The following SHANK2 variants were observed in gnomAD, a reference collection of about 807,000 sequenced individuals.
SHANK2 encodes SH3 and multiple ankyrin repeat domains 2.
Under a neutral mutation model 133.7 loss-of-function variants are expected in SHANK2, and 43 were observed. The observed-to-expected ratio is 0.32, with a 90% confidence interval of 0.25 to 0.41. SHANK2 has a LOEUF of 0.41. Ranked by LOEUF, SHANK2 falls within the 10% of genes least tolerant of loss-of-function variation. SHANK2 has a pLI of 1.00. For missense variants in SHANK2, 1,994 were observed against 2,235.8 expected (o/e 0.89, Z 2.18); for synonymous variants, 1,017 against 952.8 (o/e 1.07, Z -1.24).
At chr11:70,851,910 C>G (rs1413274653) in intron 11 of SHANK2, among the ~76,000 whole-genome samples, 1 of 152,142 alleles carries the variant, frequency 6.6e-6, no homozygotes, top group Non-Finnish European at 1.5e-5. Flanking sequence ...GTGAGGCAGA[C>G]TCATAAACGA....
At chr11:70,662,074 G>A (rs1285580902) in intron 15 of SHANK2, 13 of 483,954 alleles carry the variant, frequency 2.7e-5, no homozygotes, top group South Asian at 8.1e-5. Flanking sequence ...AGCAGCGGCG[G>A]CGTCGGGAAT....
chr11:70,548,744 A>G (rs562283361), intron 17 of SHANK2, among the ~76,000 whole-genome samples: 4 of 152,266 alleles, frequency 2.6e-5, no homozygotes, highest in Admixed American at 6.5e-5. Context: ...GCGTGACCTT[A>G]TTTGTAAACA....
intron 17 of SHANK2, among the ~76,000 whole-genome samples, chr11:70,619,857 G>A (rs1554997134): frequency 1.3e-5 from 2 of 152,224 alleles, no homozygotes; most frequent in East Asian, 3.8e-4. Flanking sequence ...ACGCTGCCCA[G>A]TGTGAAATCT....
At chr11:71,209,240 G>C (rs552988351) in intron 2 of SHANK2, among the ~76,000 whole-genome samples, 1 of 152,324 alleles carries the variant, frequency 6.6e-6, no homozygotes, top group Non-Finnish European at 1.5e-5. Context: ...GTGAGGACTT[G>C]AGGAAAACCA....
intron 10 of SHANK2, among the ~76,000 whole-genome samples, chr11:70,910,396 G>A (rs1381829215): frequency 2.6e-5 from 4 of 152,216 alleles, no homozygotes; most frequent in Admixed American, 2.6e-4. Flanking sequence ...GGGAGCAGAG[G>A]GTGGGAAGAG....
chr11:70,752,630 C>T (rs904940615), intron 14 of SHANK2, among the ~76,000 whole-genome samples: 4 of 147,398 alleles, frequency 2.7e-5, no homozygotes, highest in Admixed American at 6.9e-5. Context: ...GGCGTGAACC[C>T]GGGAGGCGGA....
chr11:71,239,634 T>C (rs782488485), intron 1 of SHANK2, among the ~76,000 whole-genome samples: 29 of 151,616 alleles, frequency 1.9e-4, no homozygotes, highest in Non-Finnish European at 3.5e-4. Flanking sequence ...CTAATACTTG[T>C]TTTTTGTTTT....
chr11:70,619,176 T>C (rs759936972), intron 17 of SHANK2, among the ~76,000 whole-genome samples: 1 of 152,228 alleles, frequency 6.6e-6, no homozygotes, highest in Non-Finnish European at 1.5e-5. Flanking sequence ...TAGATTCTTA[T>C]TGCTCGCTGT....
chr11:70,864,048 C>G (rs954476363), intron 11 of SHANK2: 1 of 346,096 alleles, frequency 2.9e-6, no homozygotes, highest in African/African-American at 2.2e-5. Context: ...GTCTCTACGA[C>G]CTGGGCACCT....
intron 17 of SHANK2, among the ~76,000 whole-genome samples, chr11:70,601,045 CTATATCTATATCTATATCTATATT>C (rs1216657782): frequency 1.3e-5 from 2 of 151,346 alleles, no homozygotes; most frequent in Non-Finnish European, 2.9e-5. Context: ...ATATCTATAT[CTATATCTATATCTATATCTATATT>C]TGAGATGGAG....
Position 71,135,544 on chromosome 11 carries a change from T to C in SHANK2, c.207+11576A>G, listed in dbSNP as rs1952422401. On this transcript the variant is annotated intron_variant, in intron 3 of 25. Transcript: ENST00000601538. ...TTTTGTCACCCAGGCTGGAGTGCAA[T>C]GGCACAATCTCAGCTCACTGCAACC... Among the ~76,000 whole-genome samples, 5 of 145,068 alleles carry C rather than the reference T, an allele frequency of 3.4e-5. No individual in the cohort carries two copies. In the South Asian group the frequency reaches 1.1e-3, roughly 32 times the overall value.
At chr11:70,842,058 G>A (rs1243550504) in intron 11 of SHANK2, among the ~76,000 whole-genome samples, 2 of 152,012 alleles carry the variant, frequency 1.3e-5, no homozygotes, top group Admixed American at 6.5e-5. Context: ...TACTCCACAC[G>A]CCCTGAAGCC....
chr11:71,170,352 C>T (rs1166285844), intron 2 of SHANK2, among the ~76,000 whole-genome samples: 1 of 152,138 alleles, frequency 6.6e-6, no homozygotes, highest in African/African-American at 2.4e-5. Flanking sequence ...TATTTTCTGG[C>T]ATATATAATA....
chr11:70,598,144 G>A (rs1435453169), intron 17 of SHANK2, among the ~76,000 whole-genome samples: 1 of 152,234 alleles, frequency 6.6e-6, no homozygotes, highest in African/African-American at 2.4e-5. Context: ...GCCGTAGACA[G>A]GGTCCCATAG....
intron 12 of SHANK2, among the ~76,000 whole-genome samples, chr11:70,813,903 G>A (rs544730202): frequency 6.6e-6 from 1 of 152,268 alleles, no homozygotes; most frequent in Admixed American, 6.5e-5. Context: ...GAGGATGCAC[G>A]ACAGGGACTT....
intron 14 of SHANK2, among the ~76,000 whole-genome samples, chr11:70,756,705 T>G (rs1421365615): frequency 6.6e-6 from 1 of 152,278 alleles, no homozygotes; most frequent in Admixed American, 6.5e-5. Flanking sequence ...CTGCACACTC[T>G]GGGGCACCAG....
chr11:70,546,129 G>A (rs1231226066), intron 17 of SHANK2, among the ~76,000 whole-genome samples: 3 of 146,014 alleles, frequency 2.1e-5, no homozygotes, highest in South Asian at 4.4e-4. Context: ...GTAGAGATGG[G>A]GGTCACACTA....
chr11:71,252,955 G>A (rs1565537530), upstream of SHANK2, among the ~76,000 whole-genome samples: 1 of 152,250 alleles, frequency 6.6e-6, no homozygotes, highest in African/African-American at 2.4e-5. The surrounding 1 kb of genome is among the most constrained non-coding windows in gnomAD (Gnocchi z 6.3). Context: ...TCCCGCCACA[G>A]AGTATTTATA....
chr11:70,679,126 G>C (rs1048185910), intron 15 of SHANK2, among the ~76,000 whole-genome samples: 5 of 152,218 alleles, frequency 3.3e-5, no homozygotes, highest in African/African-American at 9.7e-5. Flanking sequence ...ACGGCTGACC[G>C]CAACGCTGGG....
Sources: allele counts gnomAD v4.1 joint callset (sites outside exome capture counted in the v4.1 genomes callset), GRCh38; gene constraint gnomAD v4.1.1; non-coding constraint Gnocchi (gnomAD v3.1); transcripts MANE v1.5; gene names NCBI Gene and HGNC (gene_info 2026-07-23, HGNC 2026-07-21).